STAMBP: variants seen among roughly 807,000 people sequenced by gnomAD.
The protein encoded by STAMBP is STAM-binding protein.
In STAMBP, 31 loss-of-function variants were observed where a neutral mutation model predicts 50.7. The observed-to-expected ratio is 0.61, with a 90% CI of 0.46 to 0.83. STAMBP has a LOEUF of 0.83. Among genes scored for constraint, STAMBP ranks in the 40% least tolerant of loss-of-function variants. STAMBP has a pLI of 0.00. For missense variants in STAMBP, 472 were observed against 518.9 expected, an observed-to-expected ratio of 0.91 and a Z score of 0.88; for synonymous variants, 211 against 192.4, an observed-to-expected ratio of 1.10 and a Z score of -0.80.
Position 73,829,290 on chromosome 2 carries a change from T to C in STAMBP, c.-233T>C, listed in dbSNP as rs1428383630. The C allele has an allele frequency of 6.6e-6, 1 of 152,364 alleles. No homozygotes were observed. Among genetic ancestry groups the C allele is most frequent in the Non-Finnish European group, 1.5e-5 (1 of 68,128 alleles). The allele number at this position is 152,364 out of a possible 1,614,324, so 9.4% of individuals were successfully genotyped here. On this transcript the variant is annotated 5_prime_UTR_variant, in exon 1 of 10. Transcript: ENST00000394070. ...CTTCAAGAAGGGTTCCTCAAGCAGTTGTCGATAGAGCCCTCCCTACTGTAT... is the reference window on the plus strand; with the variant it reads ...CTTCAAGAAGGGTTCCTCAAGCAGTCGTCGATAGAGCCCTCCCTACTGTAT...
At chr2:73,832,556 A>ATC (rs1674098007) in intron 2 of STAMBP, among the ~76,000 whole-genome samples, 1 of 152,028 alleles carries the variant, frequency 6.6e-6, no homozygotes, top group South Asian at 2.1e-4. Context: ...AGTTTCTTAG[A>ATC]TATCTTCCAA....
chr2:73,854,183 C>T (rs571542146), intron 7 of STAMBP, among the ~76,000 whole-genome samples: 10 of 152,074 alleles, frequency 6.6e-5, no homozygotes, highest in Non-Finnish European at 1.3e-4. Context: ...ATTGAATGAA[C>T]GGAAATGAAG....
chr2:73,844,541 A>G (rs1382214309), intron 2 of STAMBP: 1 of 231,624 alleles, frequency 4.3e-6, no homozygotes, highest in African/African-American at 2.3e-5. Flanking sequence ...TTTTGGGCAC[A>G]AGAAAGGCTT....
rs1322070695 is a variant in STAMBP at position 73,845,197 on chromosome 2, G to C, written c.310G>C (p.Glu104Gln). The C allele has an allele frequency of 2.5e-6, 4 of 1,614,006 alleles. No individual in the cohort carries two copies. The highest frequency in any genetic ancestry group is 3.4e-6 in the Non-Finnish European group (4 of 1,179,988). Residue 104 changes from glutamate to glutamine, a missense_variant, in exon 4 of 10, where the codon GAA (glutamate) becomes CAA (glutamine). Glu to Gln is a conservative substitution (Grantham distance 29, BLOSUM62 2). Transcript: ENST00000394070. ...AAAGGAGATTGCATTTCCCAAAGCAGAAGAGCTGAAGGCAGAGCTGTTAAA... is the reference window on the plus strand; with the variant it reads ...AAAGGAGATTGCATTTCCCAAAGCACAAGAGCTGAAGGCAGAGCTGTTAAA... ...KLKEIAFPKAEELKAELLKRY... is the reference protein window; with the variant it reads ...KLKEIAFPKAQELKAELLKRY...
chr2:73,865,546 G>A lies in STAMBP; in HGVS notation c.*3287G>A, dbSNP rs1678790887. The A allele has an allele frequency of 6.6e-6, 1 of 152,158 alleles. No homozygotes were observed. The highest frequency in any genetic ancestry group is 2.1e-4 in the South Asian group (1 of 4,824). The allele number at this position is 152,158 out of a possible 1,614,324, so 9.4% of individuals were successfully genotyped here. On this transcript the variant is annotated 3_prime_UTR_variant, in exon 10 of 10. Coordinates refer to ENST00000394070, the MANE Select transcript of STAMBP (RefSeq NM_213622.4). ...TTATCCTCTCCAGGGGAAGTGCCAG[G>A]TTGAACATTTAAGGCTTTGCTTCTA...
rs1299686331 is a variant in STAMBP, at chr2:73,864,786, A to G, written c.*2527A>G. The stretch of plus-strand genomic sequence containing the variant: ...AAAAGCATCGTCAGGTTGCCAAACA[A>G]TGTCCCAGTTGCCCTGGGAGGCACA... On this transcript the variant is annotated 3_prime_UTR_variant, in exon 10 of 10. Transcript: ENST00000394070. 2.6e-5 allele frequency: 4 copies of G among 152,258 alleles called. No homozygotes were observed. In the East Asian group the frequency reaches 7.7e-4, roughly 29 times the overall value. The allele number at this position is 152,258 out of a possible 1,614,324, so 9.4% of individuals were successfully genotyped here. A position where few individuals can be genotyped will look rare whatever the true frequency, so the allele number is the denominator to read the frequency against.
At chr2:73,840,207 C>T (rs1055238958) in intron 2 of STAMBP, among the ~76,000 whole-genome samples, 16 of 151,950 alleles carry the variant, frequency 1.1e-4, no homozygotes, top group Admixed American at 7.9e-4. Context: ...GTAGTAGATG[C>T]TCAGTAAATA....
chr2:73,846,688 A>G (rs539468345), intron 4 of STAMBP, among the ~76,000 whole-genome samples: 3 of 152,140 alleles, frequency 2.0e-5, no homozygotes, highest in East Asian at 1.9e-4. Flanking sequence ...ATCTGGTTCT[A>G]TTTTATAGCC....
intron 8 of STAMBP, 143 bp from the exon 9 acceptor site, chr2:73,859,909 T>G: frequency 1.7e-6 from 1 of 597,406 alleles, no homozygotes; most frequent in African/African-American, 1.9e-5. Context: ...AAGAGACCTG[T>G]GAGGCAGCAT....
At chr2:73,841,721 C>T (rs1675413875) in intron 2 of STAMBP, among the ~76,000 whole-genome samples, 1 of 152,182 alleles carries the variant, frequency 6.6e-6, no homozygotes, top group Non-Finnish European at 1.5e-5. Context: ...GATTAAGTGA[C>T]TTGCCCAAGG....
At chr2:73,836,103 A>G (rs1674683659) in intron 2 of STAMBP, among the ~76,000 whole-genome samples, 1 of 152,234 alleles carries the variant, frequency 6.6e-6, no homozygotes, top group Non-Finnish European at 1.5e-5. Flanking sequence ...ATATGTATAT[A>G]ATAAAATCCA....
intron 5 of STAMBP, among the ~76,000 whole-genome samples, chr2:73,848,922 A>G (rs752947593): frequency 6.6e-6 from 1 of 152,126 alleles, no homozygotes; most frequent in Non-Finnish European, 1.5e-5. Flanking sequence ...TTGTGGGTAC[A>G]TAGTAGGTGT....
Position 73,863,050 on chromosome 2 carries a change from T to C in STAMBP, c.*791T>C, listed in dbSNP as rs1000376276. On this transcript the variant is annotated 3_prime_UTR_variant, in exon 10 of 10. Coordinates refer to ENST00000394070, the MANE Select transcript of STAMBP (RefSeq NM_213622.4). Reference sequence around the variant, plus strand: ...AATTACTCCTTGTTTTTTATCTGCCTGTTGCCATCTTCCAGAGGTGTTGTG... The same window carrying C: ...AATTACTCCTTGTTTTTTATCTGCCCGTTGCCATCTTCCAGAGGTGTTGTG... 1.3e-5 allele frequency: 2 copies of C among 152,242 alleles called. No homozygotes were observed. Among genetic ancestry groups the C allele is most frequent in the Non-Finnish European group, 2.9e-5 (2 of 68,036 alleles). The allele number at this position is 152,242 out of a possible 1,614,324, so 9.4% of individuals were successfully genotyped here.
chr2:73,839,080 T>C (rs1675060874), intron 2 of STAMBP, among the ~76,000 whole-genome samples: 1 of 152,176 alleles, frequency 6.6e-6, no homozygotes, highest in South Asian at 2.1e-4. Context: ...CTCCTCTGCC[T>C]CCCCTACTAC....
At chr2:73,842,243 C>T (rs1675492312) in intron 2 of STAMBP, among the ~76,000 whole-genome samples, 1 of 152,234 alleles carries the variant, frequency 6.6e-6, no homozygotes, top group South Asian at 2.1e-4. Flanking sequence ...CCATTCCTGC[C>T]TGGGGCCACT....
At chr2:73,834,209 TAAAAAAAA>T (rs1171586160) in intron 2 of STAMBP, among the ~76,000 whole-genome samples, 61 of 8,498 alleles carry the variant, frequency 7.2e-3, no homozygotes, top group African/African-American at 0.018. Flanking sequence ...GATCATGTCT[TAAAAAAAA>T]AAAAAAAAAA....
chr2:73,845,430 T>C (rs1369774527), intron 4 of STAMBP, among the ~76,000 whole-genome samples, 168 bp downstream of exon 4: 1 of 152,126 alleles, frequency 6.6e-6, no homozygotes, highest in African/African-American at 2.4e-5. Flanking sequence ...AGGCTCAGGG[T>C]TGTAACACAG....
chr2:73,837,657 T>G (rs961186268), intron 2 of STAMBP, among the ~76,000 whole-genome samples: 23 of 151,404 alleles, frequency 1.5e-4, no homozygotes, highest in African/African-American at 4.9e-4. Flanking sequence ...TTAAAATTTT[T>G]GAAAACTGTT....
At chr2:73,837,307 C>T (rs919588745) in intron 2 of STAMBP, among the ~76,000 whole-genome samples, 4 of 152,080 alleles carry the variant, frequency 2.6e-5, no homozygotes, top group African/African-American at 7.2e-5. Context: ...CACATTAGGC[C>T]GGGCACAGTG....
Sources: gnomAD v4.1 joint callset for allele counts (sites outside exome capture counted in the v4.1 genomes callset) on GRCh38, gnomAD v4.1.1 for gene constraint, MANE v1.5 for transcripts, NCBI Gene and HGNC (gene_info 2026-07-23, HGNC 2026-07-21) for gene names.